LEMD3: variants seen among roughly 807,000 people sequenced by gnomAD.
LEMD3 encodes LEM domain containing 3, also known as inner nuclear membrane protein Man1.
In LEMD3, 33 loss-of-function variants were observed where a neutral mutation model predicts 95.2. The observed-to-expected ratio is 0.35, with a 90% CI of 0.26 to 0.46. LEMD3 has a LOEUF of 0.46. Ranked by LOEUF, LEMD3 falls within the 20% of genes least tolerant of loss-of-function variation. LEMD3 has a pLI of 1.00. For synonymous variants in LEMD3, 525 were observed against 474.6 expected, an observed-to-expected ratio of 1.11 and a Z score of -1.38; for missense variants, 1,210 against 1,192.8, an observed-to-expected ratio of 1.01 and a Z score of -0.21.
At chr12:65,212,008 C>T (rs759564666) in intron 2 of LEMD3, among the ~76,000 whole-genome samples, 12 of 152,050 alleles carry the variant, frequency 7.9e-5, no homozygotes, top group Non-Finnish European at 1.8e-4. Flanking sequence ...AAAGACATAC[C>T]GAGACTGGGT....
At chr12:65,171,328 T>C (rs935900803) in intron 1 of LEMD3, 2 of 765,310 alleles carry the variant, frequency 2.6e-6, no homozygotes, top group African/African-American at 3.5e-5. Context: ...TTCTGCATGA[T>C]GTATTGTGAA....
intron 1 of LEMD3, chr12:65,171,713 A>G (rs1232748337): frequency 6.2e-6 from 1 of 161,676 alleles, no homozygotes; most frequent in East Asian, 1.8e-4. Flanking sequence ...CTGTACAAAA[A>G]GTAGTGGTAG....
At chr12:65,195,497 T>A (rs996323164) in intron 1 of LEMD3, among the ~76,000 whole-genome samples, 4 of 152,104 alleles carry the variant, frequency 2.6e-5, no homozygotes, top group Admixed American at 6.6e-5. Flanking sequence ...TATTTGCCAA[T>A]TTCCAAATAG....
chr12:65,204,441 T>C (rs1022154654), intron 1 of LEMD3, among the ~76,000 whole-genome samples: 4 of 152,200 alleles, frequency 2.6e-5, no homozygotes, highest in Non-Finnish European at 5.9e-5. Context: ...TTTGGTTTTC[T>C]GTTCTCGTGT....
chr12:65,246,654 A>G lies in LEMD3; in HGVS notation c.*329A>G. On this transcript the variant is annotated 3_prime_UTR_variant, in exon 13 of 13. Transcript: ENST00000308330. Reference sequence around the variant, plus strand: ...AGTGTTTGGATAACCACACAAAAGCATGATGAAAAGGCTTCTTGTAGTCCC... The same window carrying G: ...AGTGTTTGGATAACCACACAAAAGCGTGATGAAAAGGCTTCTTGTAGTCCC... 3.3e-6 allele frequency: 1 copy of G among 305,296 alleles called. No individual in the cohort carries two copies. The highest frequency in any genetic ancestry group is 6.2e-6 in the Non-Finnish European group (1 of 161,016). The allele number at this position is 305,296 out of a possible 1,614,324, so 18.9% of individuals were successfully genotyped here. A position where few individuals can be genotyped will look rare whatever the true frequency, so the allele number is the denominator to read the frequency against.
intron 4 of LEMD3, 86 bp from the exon 5 acceptor site, chr12:65,238,416 G>A: frequency 1.3e-6 from 1 of 796,200 alleles, no homozygotes; most frequent in Non-Finnish European, 2.1e-6. Context: ...AAATAAAAAT[G>A]TTATATAGAG....
chr12:65,194,579 A>G lies in LEMD3; in HGVS notation c.1523-16347A>G, dbSNP rs576949812. ...GATGGGGCTGTTGGTGGTCCGAAAC[A>G]TAAAAGCTTGAAAAGACGTATCAAA... On this transcript the variant is annotated intron_variant, in intron 1 of 12. Transcript: ENST00000308330. 2.0e-3 allele frequency among the ~76,000 whole-genome samples: 305 copies of G among 151,884 alleles called. 2 individuals are homozygous for G. Among genetic ancestry groups the G allele is most frequent in the African/African-American group, 6.9e-3 (286 of 41,442 alleles).
chr12:65,220,806 C>T (rs1390821630), intron 4 of LEMD3, among the ~76,000 whole-genome samples: 1 of 152,146 alleles, frequency 6.6e-6, no homozygotes, highest in African/African-American at 2.4e-5. Context: ...GTTTTCCTAG[C>T]ACCATTTATT....
intron 4 of LEMD3, among the ~76,000 whole-genome samples, chr12:65,222,526 G>C (rs1870322043): frequency 6.6e-6 from 1 of 152,050 alleles, no homozygotes. Flanking sequence ...TAATAAAATA[G>C]ATAATAAACT....
At chr12:65,197,371 A>G (rs1404640486) in intron 1 of LEMD3, among the ~76,000 whole-genome samples, 2 of 152,120 alleles carry the variant, frequency 1.3e-5, no homozygotes, top group Non-Finnish European at 2.9e-5. Context: ...CTACAAGTAG[A>G]AGTTGTAGAA....
chr12:65,218,684 G>A (rs1592451483), intron 4 of LEMD3, 65 bp downstream of exon 4: 1 of 862,650 alleles, frequency 1.2e-6, no homozygotes, highest in Non-Finnish European at 1.8e-6. Flanking sequence ...ATTGCTACTT[G>A]TAAGAATCAT....
rs148234648 is a variant in LEMD3 at position 65,226,083 on chromosome 12, G to A, written c.1695+7464G>A. ...TTCTCAACTTTCTTCATGCCGAGCT[G>A]GGGGTAGGGACAATGGTGAGTGAGT... On this transcript the variant is annotated intron_variant, in intron 4 of 12. Coordinates refer to ENST00000308330, the MANE Select transcript of LEMD3 (RefSeq NM_014319.5). Among the ~76,000 whole-genome samples the A allele has an allele frequency of 2.1e-3, 322 of 152,296 alleles. 1 individual carries two copies. Among genetic ancestry groups the A allele is most frequent in the African/African-American group, 7.5e-3 (310 of 41,562 alleles).
chr12:65,178,177 A>G (rs983971735), intron 1 of LEMD3, among the ~76,000 whole-genome samples: 2 of 151,646 alleles, frequency 1.3e-5, no homozygotes, highest in Admixed American at 6.6e-5. Context: ...TGAAAGCTCC[A>G]TGTTATGTTT....
Position 65,216,053 on chromosome 12 carries a change from T to C in LEMD3, c.1627+10T>C, listed in dbSNP as rs773249345. On this transcript the variant is annotated intron_variant, in intron 3 of 12. Transcript: ENST00000308330. Reference sequence around the variant, plus strand: ...TTGGCACAGCTTGCAGGTAATTGTTTTAACTTTTATAGTTGCTAAAAATGT... The same window carrying C: ...TTGGCACAGCTTGCAGGTAATTGTTCTAACTTTTATAGTTGCTAAAAATGT... 9 of 1,551,754 alleles carry C rather than the reference T, an allele frequency of 5.8e-6. No homozygotes were observed. The Admixed American group carries it at 1.5e-4, about 26-fold the overall frequency.
At position 65,184,114 on chromosome 12, in the gene LEMD3, A is replaced by G. The variant is rs560623981; in HGVS notation, c.1522+12996A>G. 4.6e-5 allele frequency among the ~76,000 whole-genome samples: 7 copies of G among 152,282 alleles called. 1 individual carries two copies. The South Asian group carries it at 1.4e-3, about 32-fold the overall frequency. On this transcript the variant is annotated intron_variant, in intron 1 of 12. Coordinates refer to ENST00000308330, the MANE Select transcript of LEMD3 (RefSeq NM_014319.5). ...AAGTTCTTATTCATCATGCTCTTTG[A>G]ATTGTAAATATTTTTTCAGTTATTT...
chr12:65,191,022 C>T (rs1869223527), intron 1 of LEMD3, among the ~76,000 whole-genome samples: 1 of 152,030 alleles, frequency 6.6e-6, no homozygotes, highest in Non-Finnish European at 1.5e-5. Context: ...TAAAAATAAC[C>T]TATAATTTTT....
intron 10 of LEMD3, among the ~76,000 whole-genome samples, chr12:65,245,134 T>TG (rs937228332): frequency 7.6e-5 from 11 of 145,388 alleles, no homozygotes. Flanking sequence ...TCTGCACTCT[T>TG]TTTTTTTTTT....
At chr12:65,186,206 C>A (rs1869057019) in intron 1 of LEMD3, among the ~76,000 whole-genome samples, 1 of 151,962 alleles carries the variant, frequency 6.6e-6, no homozygotes. Flanking sequence ...GTATTTCTTG[C>A]CTCAAGAGAT....
chr12:65,188,889 A>G (rs1370545898), intron 1 of LEMD3, among the ~76,000 whole-genome samples: 1 of 152,172 alleles, frequency 6.6e-6, no homozygotes, highest in African/African-American at 2.4e-5. Flanking sequence ...TAGAAAGAAT[A>G]CAGTGCACCA....
Sources: allele counts gnomAD v4.1 joint callset (sites outside exome capture counted in the v4.1 genomes callset), GRCh38; gene constraint gnomAD v4.1.1; transcripts MANE v1.5; gene names NCBI Gene and HGNC (gene_info 2026-07-23, HGNC 2026-07-21).